The following STYK1 variants were observed in gnomAD, a reference collection of about 807,000 sequenced individuals.
STYK1 encodes STY kinase 1, also known as tyrosine-protein kinase STYK1.
A neutral mutation model predicts 48.1 loss-of-function variants in STYK1; 46 were observed. That is an observed-to-expected ratio of 0.96 (90% CI 0.75 to 1.22). The LOEUF is 1.22. Among genes scored for constraint, STYK1 ranks in the 50% most tolerant of loss-of-function variants. The pLI is 0.00. For synonymous variants in STYK1, 188 were observed against 189.0 expected (o/e 0.99, Z 0.04); for missense variants, 527 against 521.1 (o/e 1.01, Z -0.11).
Position 10,630,758 on chromosome 12 carries a change from T to A in STYK1, c.451+287A>T, listed in dbSNP as rs186805058. On this transcript the variant is annotated intron_variant, in intron 5 of 10. Coordinates refer to ENST00000075503, the MANE Select transcript of STYK1 (RefSeq NM_018423.3). ...GAATGTACCTCAACACAATAAAGACTGTGTAAAAACCCACAGCTAACATCT... is the reference window on the plus strand; with the variant it reads ...GAATGTACCTCAACACAATAAAGACAGTGTAAAAACCCACAGCTAACATCT... 3.3e-5 allele frequency among the ~76,000 whole-genome samples: 5 copies of A among 152,086 alleles called. No homozygotes were observed. In the East Asian group the frequency reaches 9.6e-4, roughly 29 times the overall value.
chr12:10,642,640 G>A (rs1947557765), intron 1 of STYK1, among the ~76,000 whole-genome samples: 1 of 152,144 alleles, frequency 6.6e-6, no homozygotes, highest in Non-Finnish European at 1.5e-5. Context: ...GTGCATGTAA[G>A]TATACTCTAT....
chr12:10,642,454 A>G (rs562117633), intron 1 of STYK1, among the ~76,000 whole-genome samples: 2 of 152,326 alleles, frequency 1.3e-5, no homozygotes, highest in African/African-American at 4.8e-5. Flanking sequence ...TGCCTAGAAC[A>G]TTACCAGAGC....
chr12:10,655,291 C>G (rs1420005316), intron 1 of STYK1, among the ~76,000 whole-genome samples: 3 of 152,160 alleles, frequency 2.0e-5, no homozygotes, highest in Non-Finnish European at 4.4e-5. Flanking sequence ...AACCATGTGG[C>G]AGTACTTTCT....
chr12:10,656,096 T>C (rs1426373895), intron 1 of STYK1, among the ~76,000 whole-genome samples: 1 of 152,128 alleles, frequency 6.6e-6, no homozygotes, highest in Non-Finnish European at 1.5e-5. Flanking sequence ...CACCATGCTG[T>C]TCTTGTGATA....
At chr12:10,673,061 A>G (rs948439915) in intron 1 of STYK1, among the ~76,000 whole-genome samples, 2 of 152,168 alleles carry the variant, frequency 1.3e-5, no homozygotes, top group African/African-American at 2.4e-5. Context: ...AGAAACTCCA[A>G]TGTGGAGAGG....
In STYK1 at chr12:10,629,539, T is replaced by C. The variant is rs1267142700; in HGVS notation, c.587A>G (p.Asp196Gly). Residue 196 changes from aspartate to glycine, a missense_variant, in exon 6 of 11, where the codon GAT becomes GGT. By Grantham distance (94) the Asp-to-Gly change is moderately conservative. Transcript: ENST00000075503. ...EKLPLYMVLE[D>G]VAQGDLLSFL... ...GCTGAGCAGGTCCCCCTGGGCCACATCCTCCAACACCATATAGAGTGGCAG... is the reference window on the plus strand; with the variant it reads ...GCTGAGCAGGTCCCCCTGGGCCACACCCTCCAACACCATATAGAGTGGCAG... The C allele has an allele frequency of 6.2e-7, 1 of 1,614,154 alleles. No individual in the cohort carries two copies.
In STYK1 at chr12:10,619,449, T is replaced by A. The variant is rs1865870470; in HGVS notation, c.*695A>T. The A allele has an allele frequency of 1.3e-5, 2 of 152,270 alleles. No homozygotes were observed. Among genetic ancestry groups the A allele is most frequent in the Non-Finnish European group, 2.9e-5 (2 of 68,074 alleles). 9.4% of individuals were successfully genotyped at this position (152,270 alleles called of 1,614,324 possible). On this transcript the variant is annotated 3_prime_UTR_variant, in exon 11 of 11. Coordinates refer to ENST00000075503, the MANE Select transcript of STYK1 (RefSeq NM_018423.3). Reference sequence around the variant, plus strand: ...AATCGGAACTAGGAAGCTAGCTTAATGAACAATACATGTTGAATGTTCTTA... The same window carrying A: ...AATCGGAACTAGGAAGCTAGCTTAAAGAACAATACATGTTGAATGTTCTTA...
intron 1 of STYK1, among the ~76,000 whole-genome samples, chr12:10,652,990 G>C (rs1268654830): frequency 6.6e-6 from 1 of 152,156 alleles, no homozygotes; most frequent in Non-Finnish European, 1.5e-5. Flanking sequence ...CTGAAATAGG[G>C]AAAGGAGTCA....
Position 10,619,943 on chromosome 12 carries a change from G to A in STYK1, c.*201C>T, listed in dbSNP as rs1022049546. The A allele has an allele frequency of 9.5e-6, 6 of 630,882 alleles. No homozygotes were observed. The highest frequency in any genetic ancestry group is 9.2e-5 in the African/African-American group (5 of 54,514). The allele number at this position is 630,882 out of a possible 1,614,324, so 39.1% of individuals were successfully genotyped here. A position where few individuals can be genotyped will look rare whatever the true frequency, so the allele number is the denominator to read the frequency against. ...TCTAGGACTGGGACAGCAGAAGTGA[G>A]ACTGACAGTATGTCTTAGCTCAGGA... On this transcript the variant is annotated 3_prime_UTR_variant, in exon 11 of 11. Transcript: ENST00000075503.
chr12:10,654,349 T>C (rs1379037577), intron 1 of STYK1, among the ~76,000 whole-genome samples: 1 of 152,196 alleles, frequency 6.6e-6, no homozygotes, highest in African/African-American at 2.4e-5. Flanking sequence ...TCCTTTACTT[T>C]CTTAGTAAAT....
At chr12:10,665,180 G>A (rs1400374360) in intron 1 of STYK1, among the ~76,000 whole-genome samples, 1 of 152,188 alleles carries the variant, frequency 6.6e-6, no homozygotes, top group East Asian at 1.9e-4. Flanking sequence ...AAGCCATGCC[G>A]TTCACACGCT....
At chr12:10,651,004 C>CA (rs11342378) in intron 1 of STYK1, among the ~76,000 whole-genome samples, 1,582 of 118,476 alleles carry the variant, frequency 0.013, 16 homozygotes, top group Non-Finnish European at 0.018. Flanking sequence ...GACTCCTTCT[C>CA]AAAAAAAAAA....
chr12:10,659,942 T>A (rs965759184), intron 1 of STYK1, among the ~76,000 whole-genome samples: 2 of 152,168 alleles, frequency 1.3e-5, no homozygotes, highest in Non-Finnish European at 2.9e-5. Flanking sequence ...TTTCTGCAAT[T>A]TAGACTGACC....
intron 10 of STYK1, among the ~76,000 whole-genome samples, chr12:10,621,498 G>A (rs978763815): frequency 1.4e-4 from 22 of 152,106 alleles, no homozygotes; most frequent in African/African-American, 4.8e-4. Context: ...AACTGTGGCT[G>A]GCAGAAGACT....
chr12:10,620,249 A>G lies in STYK1; in HGVS notation c.1164T>C (p.Asp388=), dbSNP rs2120578503. 1 of 1,614,202 alleles carries G rather than the reference A, an allele frequency of 6.2e-7. No individual in the cohort carries two copies. The highest frequency in any genetic ancestry group is 2.2e-5 in the East Asian group (1 of 44,886). Residue 388 remains aspartate, a synonymous_variant, in exon 11 of 11, where the codon GAT becomes GAC. Coordinates refer to ENST00000075503, the MANE Select transcript of STYK1 (RefSeq NM_018423.3). ...CTGGTACTTGTAACACAGCCTCGTCATCTGCAGTTTTAATGGCAGCTTCTA... is the reference window on the plus strand; with the variant it reads ...CTGGTACTTGTAACACAGCCTCGTCGTCTGCAGTTTTAATGGCAGCTTCTA... ...LRLEAAIKTA[D]DEAVLQVPEL...
chr12:10,661,049 C>A (rs940858731), intron 1 of STYK1, among the ~76,000 whole-genome samples: 3 of 152,114 alleles, frequency 2.0e-5, no homozygotes, highest in African/African-American at 7.2e-5. Context: ...CAAGAACCTT[C>A]TGCTGGGGGT....
intron 1 of STYK1, among the ~76,000 whole-genome samples, chr12:10,663,480 T>C (rs748838547): frequency 1.2e-4 from 18 of 151,594 alleles, no homozygotes; most frequent in Non-Finnish European, 2.1e-4. Context: ...GCGCCTGTAG[T>C]CCCAGCTACT....
At chr12:10,666,234 T>C (rs1947832378) in intron 1 of STYK1, among the ~76,000 whole-genome samples, 1 of 152,180 alleles carries the variant, frequency 6.6e-6, no homozygotes, top group Non-Finnish European at 1.5e-5. Context: ...TAAGCCTTTT[T>C]TCACTGACAC....
chr12:10,633,867 C>T, intron 4 of STYK1, 123 bp downstream of exon 4: 2 of 1,218,646 alleles, frequency 1.6e-6, no homozygotes, highest in Admixed American at 2.3e-5. Context: ...GGGAGGGAAC[C>T]CATGCCTCTC....
Sources: allele counts gnomAD v4.1 joint callset (sites outside exome capture counted in the v4.1 genomes callset), GRCh38; gene constraint gnomAD v4.1.1; transcripts MANE v1.5; gene names NCBI Gene and HGNC (gene_info 2026-07-23, HGNC 2026-07-21).